The following SNX13 variants were observed in gnomAD, a reference collection of about 807,000 sequenced individuals.
SNX13 encodes the protein sorting nexin 13.
Under a neutral mutation model 133.6 loss-of-function variants are expected in SNX13, and 45 were observed. That is an observed-to-expected ratio of 0.34 (90% CI 0.27 to 0.43). The LOEUF (loss-of-function observed/expected upper bound fraction) is 0.43. Ranked by LOEUF, SNX13 falls within the 20% of genes least tolerant of loss-of-function variation. The pLI, the probability that SNX13 is intolerant of heterozygous loss-of-function variation, is 1.00. For synonymous variants in SNX13, 414 were observed against 373.9 expected, an observed-to-expected ratio of 1.11 and a Z score of -1.24; for missense variants, 1,032 against 1,145.1, an observed-to-expected ratio of 0.90 and a Z score of 1.43.
rs139864329 is a variant in SNX13, at chr7:17,873,169, T to A, written c.753+359A>T. Among the ~76,000 whole-genome samples, 947 of 152,220 alleles carry A rather than the reference T, an allele frequency of 6.2e-3. 7 individuals are homozygous for A. The highest frequency in any genetic ancestry group is 0.021 in the African/African-American group (855 of 41,548). On this transcript the variant is annotated intron_variant, in intron 8 of 25. Coordinates refer to ENST00000428135, the MANE Select transcript of SNX13 (RefSeq NM_015132.5). ...GTGGGAGGTTTCCATGAACCTGAAG[T>A]TCCCCCGAAGCTTGGGTTTCAGGTG...
intron 15 of SNX13, among the ~76,000 whole-genome samples, chr7:17,832,693 C>A (rs567214941): frequency 2.0e-5 from 3 of 151,458 alleles, no homozygotes; most frequent in East Asian, 3.9e-4. Flanking sequence ...CAGAGAAGAA[C>A]TCTGTTTTTT....
intron 1 of SNX13, among the ~76,000 whole-genome samples, chr7:17,910,497 C>T (rs1798843791): frequency 6.6e-6 from 1 of 152,132 alleles, no homozygotes; most frequent in Non-Finnish European, 1.5e-5. Flanking sequence ...CTGTGTAAAA[C>T]AATCGGCAGT....
intron 1 of SNX13, among the ~76,000 whole-genome samples, chr7:17,926,616 T>G (rs901110191): frequency 6.6e-5 from 10 of 152,222 alleles, no homozygotes; most frequent in African/African-American, 2.4e-4. Flanking sequence ...CCAGGCACAG[T>G]GGCTCACACC....
chr7:17,892,778 C>A (rs998708024), intron 3 of SNX13, among the ~76,000 whole-genome samples: 1 of 152,118 alleles, frequency 6.6e-6, no homozygotes, highest in Non-Finnish European at 1.5e-5. Context: ...ACCAACCCAA[C>A]TGCACAAGAA....
rs916050218 is a variant in SNX13 at position 17,917,422 on chromosome 7, G to A, written c.13-19976C>T. ...ATACCTAGAAAACTCTAAAGATTCT[G>A]CCAAAAGACTCCTAGACCCGATATA... On this transcript the variant is annotated intron_variant, in intron 1 of 25. Transcript: ENST00000428135. Among the ~76,000 whole-genome samples, 9 of 152,094 alleles carry A rather than the reference G, an allele frequency of 5.9e-5. 1 individual carries two copies. Among genetic ancestry groups the A allele is most frequent in the Non-Finnish European group, 1.3e-4 (9 of 68,012 alleles).
At chr7:17,820,774 C>A (rs576927075) in intron 18 of SNX13, among the ~76,000 whole-genome samples, 2 of 152,082 alleles carry the variant, frequency 1.3e-5, no homozygotes, top group South Asian at 2.1e-4. Context: ...TGGTTTAATA[C>A]CAGTTGTATA....
chr7:17,816,339 T>C (rs1260133011), intron 18 of SNX13, 50 bp from the exon 19 acceptor site: 3 of 1,501,516 alleles, frequency 2.0e-6, no homozygotes, highest in Non-Finnish European at 2.7e-6. Context: ...ACAAAAGGTT[T>C]TCCCAAGTGA....
chr7:17,828,623 T>C (rs1293178499), intron 16 of SNX13, among the ~76,000 whole-genome samples: 1 of 151,664 alleles, frequency 6.6e-6, no homozygotes, highest in African/African-American at 2.4e-5. Flanking sequence ...AAAATTTGTC[T>C]ACATGGTCCA....
At chr7:17,842,944 A>G (rs1255874170) in intron 12 of SNX13, among the ~76,000 whole-genome samples, 1 of 152,064 alleles carries the variant, frequency 6.6e-6, no homozygotes, top group Non-Finnish European at 1.5e-5. Context: ...TAATATACAT[A>G]AGAGGAATGA....
At chr7:17,801,057 T>C (rs967196720) in intron 22 of SNX13, among the ~76,000 whole-genome samples, 15 of 61,440 alleles carry the variant, frequency 2.4e-4, no homozygotes, top group Admixed American at 3.1e-4. Flanking sequence ...TATATATATA[T>C]ATATCCTGAT....
chr7:17,913,635 C>T (rs1799231685), intron 1 of SNX13, among the ~76,000 whole-genome samples: 2 of 151,856 alleles, frequency 1.3e-5, no homozygotes, highest in African/African-American at 2.4e-5. Flanking sequence ...AGAGCCTTGG[C>T]CCTCTGAAAG....
At chr7:17,888,904 G>C (rs1265146043) in intron 5 of SNX13, 3 of 266,548 alleles carry the variant, frequency 1.1e-5, no homozygotes, top group Non-Finnish European at 1.5e-5. Context: ...GGTGGAGCTA[G>C]AATGCAAACT....
chr7:17,832,745 C>G (rs116864649), intron 15 of SNX13, among the ~76,000 whole-genome samples: 1,977 of 151,460 alleles, frequency 0.013, 37 homozygotes, highest in South Asian at 0.061. Flanking sequence ...TCAGTTAATA[C>G]ATTATTCCAA....
rs746398330 is a variant in SNX13 at position 17,845,636 on chromosome 7, T to C, written c.1124A>G (p.Asp375Gly). Reference protein sequence around the residue: ...NFGKLCTVPLDSILVDNVALQ... With the variant: ...NFGKLCTVPLGSILVDNVALQ... ...TGCAACATTGTCTACAAGAATGCTG[T>C]CCAGGGGGACTGTGCAAAGTTTCCC... is the stretch of plus-strand genomic sequence containing the variant. Residue 375 changes from aspartate (D) to glycine (G), a missense_variant, in exon 12 of 26, where the codon GAC becomes GGC. By Grantham distance (94) the Asp-to-Gly change is moderately conservative. Coordinates refer to ENST00000428135, the MANE Select transcript of SNX13 (RefSeq NM_015132.5). 4.4e-6 allele frequency: 7 copies of C among 1,603,788 alleles called. No homozygotes were observed. The highest frequency in any genetic ancestry group is 6.0e-6 in the Non-Finnish European group (7 of 1,175,326).
chr7:17,885,643 T>C (rs1398091786), intron 5 of SNX13, among the ~76,000 whole-genome samples: 2 of 152,060 alleles, frequency 1.3e-5, no homozygotes, highest in Admixed American at 6.5e-5. Context: ...GCCTAGGCAA[T>C]GTGGTGAAAC....
Position 17,814,946 on chromosome 7 carries a change from T to G in SNX13, c.1954-2A>C. 1 of 1,319,636 alleles carries G rather than the reference T, an allele frequency of 7.6e-7. No homozygotes were observed. The highest frequency in any genetic ancestry group is 9.5e-7 in the Non-Finnish European group (1 of 1,055,104). The allele number at this position is 1,319,636 out of a possible 1,614,324, so 81.7% of individuals were successfully genotyped here. ...CATCATTTCAGGAGCTAACAGTAACTAACAAGAAAAAAAAAAAAAAGAAGA... is the reference window on the plus strand; with the variant it reads ...CATCATTTCAGGAGCTAACAGTAACGAACAAGAAAAAAAAAAAAAAGAAGA... On this transcript the variant is annotated splice_acceptor_variant, in intron 19 of 25. Transcript: ENST00000428135. LOFTEE classifies it high-confidence loss of function.
rs115390340 is a variant in SNX13 at position 17,887,410 on chromosome 7, C to G, written c.440+2953G>C. On this transcript the variant is annotated intron_variant, in intron 5 of 25. Transcript: ENST00000428135. ...CCTAAGGCTCCCGTCTAATCCACAC[C>G]CAAATTCCACAGAGAAGGAGAACTC... Among the ~76,000 whole-genome samples, 1,241 of 152,152 alleles carry G rather than the reference C, an allele frequency of 8.2e-3. 21 individuals are homozygous for G. The highest frequency in any genetic ancestry group is 0.029 in the African/African-American group (1,187 of 41,516).
chr7:17,890,095 C>T (rs756600266), intron 5 of SNX13: 26 of 257,386 alleles, frequency 1.0e-4, no homozygotes, highest in Admixed American at 3.2e-4. Flanking sequence ...TTTGAAAAGT[C>T]ACCTGATTTG....
chr7:17,805,250 TGCGTGC>T lies in SNX13; in HGVS notation c.2065-1676_2065-1671del, dbSNP rs1262349865. 5.2e-3 allele frequency among the ~76,000 whole-genome samples: 501 copies of T among 95,600 alleles called. 6 individuals are homozygous for T. The highest frequency in any genetic ancestry group is 0.015 in the African/African-American group (471 of 31,872). 62.7% of individuals were successfully genotyped at this position (95,600 alleles called of 152,430 possible). A position where few individuals can be genotyped will look rare whatever the true frequency, so the allele number is the denominator to read the frequency against. On this transcript the variant is annotated intron_variant, in intron 20 of 25. Transcript: ENST00000428135. Reference sequence around the variant, plus strand: ...GTGTGTGTGTGTGTGTGTGTGTGTGTGCGTGCGCGCGCGCGCATGCATGCACATGTG... The same window carrying T: ...GTGTGTGTGTGTGTGTGTGTGTGTGTGCGCGCGCGCATGCATGCACATGTG...
Sources: allele counts gnomAD v4.1 joint callset (sites outside exome capture counted in the v4.1 genomes callset), GRCh38; gene constraint gnomAD v4.1.1; transcripts MANE v1.5; gene names NCBI Gene and HGNC (gene_info 2026-07-23, HGNC 2026-07-21).